The following GIMAP8 variants were observed in gnomAD, a reference collection of about 807,000 sequenced individuals.
The protein encoded by GIMAP8 is GTPase IMAP family member 8.
In GIMAP8, 29 loss-of-function variants were observed where a neutral mutation model predicts 35.6. That is an observed-to-expected ratio of 0.81 (90% CI 0.61 to 1.11). The LOEUF (loss-of-function observed/expected upper bound fraction) is 1.11, where lower values mean the gene tolerates loss of function less well. Ranked by LOEUF, GIMAP8 falls within the 50% of genes most tolerant of loss-of-function variation. The pLI, the probability that GIMAP8 is intolerant of heterozygous loss-of-function variation, is 0.00. For missense variants in GIMAP8, 811 were observed against 805.0 expected (o/e 1.01, Z -0.09); for synonymous variants, 335 against 308.7 (o/e 1.09, Z -0.89).
Position 150,477,409 on chromosome 7 carries a change from A to G in GIMAP8, c.1627A>G (p.Thr543Ala). 1 of 1,614,102 alleles carries G rather than the reference A, an allele frequency of 6.2e-7. No homozygotes were observed. Residue 543 changes from threonine (T) to alanine (A), a missense_variant, in exon 5 of 5, where the codon ACA becomes GCA. Coordinates refer to ENST00000307271, the MANE Select transcript of GIMAP8 (RefSeq NM_175571.4). ...GGGACGATTCACTGAAGAGGACAAA[A>G]CAGCTGTGGCGAAACTGGAGGCCAT... is the stretch of plus-strand genomic sequence containing the variant. The part of the protein sequence containing the change: ...QLGRFTEEDK[T>A]AVAKLEAIFG...
At chr7:150,459,778 T>C (rs1437486554) in intron 1 of GIMAP8, among the ~76,000 whole-genome samples, 1 of 152,198 alleles carries the variant, frequency 6.6e-6, no homozygotes, top group African/African-American at 2.4e-5. Context: ...AGTGAGTTCC[T>C]TGGAGTGAGT....
In GIMAP8 at chr7:150,477,237, C is replaced by T. The variant is rs775860008; in HGVS notation, c.1455C>T (p.Asp485=). 1.9e-6 allele frequency: 3 copies of T among 1,613,990 alleles called. No individual in the cohort carries two copies. The highest frequency in any genetic ancestry group is 2.5e-6 in the Non-Finnish European group (3 of 1,180,010). ...GCCAGAGTGGCAGGAGGACATGGGA[C>T]GGACAGGAGGTGGTGGTTGTGGACA... ...KTSQSGRRTW[D]GQEVVVVDTP... Residue 485 remains aspartate (D), a synonymous_variant, in exon 5 of 5, where the codon GAC becomes GAT. Transcript: ENST00000307271.
intron 1 of GIMAP8, among the ~76,000 whole-genome samples, chr7:150,452,817 A>C (rs1801647393): frequency 2.0e-5 from 3 of 150,574 alleles, no homozygotes; most frequent in Admixed American, 6.6e-5. Flanking sequence ...CAAACTCCTG[A>C]TCTCGAGGGA....
At position 150,466,677 on chromosome 7, in the gene GIMAP8, C is replaced by CGG; in HGVS notation, c.-20_-19dup. 6.2e-7 allele frequency: 1 copy of CGG among 1,609,506 alleles called. No individual in the cohort carries two copies. Among genetic ancestry groups the CGG allele is most frequent in the Non-Finnish European group, 8.5e-7 (1 of 1,177,716 alleles). ...TTGTTTTCTGTCCCAACAGAACAAG[C>CGG]GGGAGCCTGTGTCAGGAAAGCATGT... On this transcript the variant is annotated 5_prime_UTR_variant, in exon 2 of 5. Transcript: ENST00000307271.
chr7:150,459,158 G>A (rs748622780), intron 1 of GIMAP8, among the ~76,000 whole-genome samples: 19 of 152,180 alleles, frequency 1.2e-4, no homozygotes, highest in Non-Finnish European at 5.9e-5. Context: ...ATCACAGGAC[G>A]TGGCTACACT....
intron 1 of GIMAP8, among the ~76,000 whole-genome samples, chr7:150,465,988 G>A (rs192827900): frequency 8.3e-4 from 127 of 152,268 alleles, no homozygotes; most frequent in African/African-American, 2.9e-3. Flanking sequence ...CAGCTAATGC[G>A]TGCAGAGCAG....
chr7:150,471,290 A>C (rs1250136501), intron 3 of GIMAP8, among the ~76,000 whole-genome samples: 1 of 152,226 alleles, frequency 6.6e-6, no homozygotes, highest in Non-Finnish European at 1.5e-5. Flanking sequence ...ATTGCCAGTA[A>C]TGATAGATCC....
intron 1 of GIMAP8, among the ~76,000 whole-genome samples, chr7:150,466,344 A>G (rs141062877): frequency 6.4e-4 from 97 of 152,234 alleles, no homozygotes; most frequent in African/African-American, 2.2e-3. Context: ...ACATCTGACC[A>G]TTACTATTAA....
In GIMAP8 at chr7:150,477,196, C is replaced by T; in HGVS notation, c.1414C>T (p.Pro472Ser). The change falls in exon 5 of 5, where the codon CCA becomes TCA. Residue 472 changes from proline to serine, a missense_variant. Coordinates refer to ENST00000307271, the MANE Select transcript of GIMAP8 (RefSeq NM_175571.4). ...LVFTSRLRAQ[P>S]VTKTSQSGRR... ...CTTCACCTCTCGGCTCCGGGCCCAGCCAGTCACCAAGACCAGCCAGAGTGG... is the reference window on the plus strand; with the variant it reads ...CTTCACCTCTCGGCTCCGGGCCCAGTCAGTCACCAAGACCAGCCAGAGTGG... 6.2e-7 allele frequency: 1 copy of T among 1,614,076 alleles called. No individual in the cohort carries two copies. Among genetic ancestry groups the T allele is most frequent in the Non-Finnish European group, 8.5e-7 (1 of 1,179,996 alleles).
At chr7:150,452,689 T>TAC (rs1801642546) in intron 1 of GIMAP8, among the ~76,000 whole-genome samples, 1 of 105,388 alleles carries the variant, frequency 9.5e-6, no homozygotes, top group Non-Finnish European at 1.9e-5. Context: ...TATATATATA[T>TAC]ATATATATAT....
intron 2 of GIMAP8, among the ~76,000 whole-genome samples, chr7:150,469,842 G>A (rs369256980): frequency 2.0e-5 from 3 of 152,170 alleles, no homozygotes; most frequent in Admixed American, 6.5e-5. Flanking sequence ...ACGCATGTCC[G>A]TACTATGGAA....
intron 2 of GIMAP8, 122 bp from the exon 3 acceptor site, chr7:150,470,707 C>G (rs1228673887): frequency 1.3e-5 from 9 of 698,802 alleles, no homozygotes; most frequent in Non-Finnish European, 2.1e-5. Flanking sequence ...TTGACCACAT[C>G]TGACTCAGCA....
intron 2 of GIMAP8, among the ~76,000 whole-genome samples, chr7:150,470,149 G>C (rs778183037): frequency 6.6e-6 from 1 of 152,158 alleles, no homozygotes; most frequent in Non-Finnish European, 1.5e-5. Context: ...GGCTATGTAA[G>C]GTTAAAGAAA....
Position 150,477,196 on chromosome 7 carries a change from C to G in GIMAP8, c.1414C>G (p.Pro472Ala), listed in dbSNP as rs1802251158. Residue 472 changes from proline to alanine, a missense_variant, in exon 5 of 5, where the codon CCA becomes GCA. Pro to Ala is a conservative substitution (Grantham distance 27, BLOSUM62 -1). Transcript: ENST00000307271. ...CTTCACCTCTCGGCTCCGGGCCCAG[C>G]CAGTCACCAAGACCAGCCAGAGTGG... ...LVFTSRLRAQ[P>A]VTKTSQSGRR... 1.2e-6 allele frequency: 2 copies of G among 1,613,958 alleles called. No individual in the cohort carries two copies. The highest frequency in any genetic ancestry group is 1.7e-6 in the Non-Finnish European group (2 of 1,180,004).
intron 1 of GIMAP8, among the ~76,000 whole-genome samples, chr7:150,460,071 C>A (rs1307696154): frequency 6.6e-6 from 1 of 152,078 alleles, no homozygotes; most frequent in Non-Finnish European, 1.5e-5. Flanking sequence ...TCAGTGGTGG[C>A]CATAGCCAGA....
rs746795576 is a variant in GIMAP8 at position 150,467,143 on chromosome 7, G to GA, written c.452dup (p.Asn151LysfsTer12). 5.6e-6 allele frequency: 9 copies of GA among 1,614,104 alleles called. No homozygotes were observed. The highest frequency in any genetic ancestry group is 1.7e-5 in the Admixed American group (1 of 60,020). ...GGATGACTTGCTGCAAGATTTCATTGAAAAAAACAAACCTCTCAAGCAGTT... is the reference window on the plus strand; with the variant it reads ...GGATGACTTGCTGCAAGATTTCATTGAAAAAAAACAAACCTCTCAAGCAGTT... On this transcript the variant is annotated frameshift_variant, in exon 2 of 5. Coordinates refer to ENST00000307271, the MANE Select transcript of GIMAP8 (RefSeq NM_175571.4). LOFTEE classifies it high-confidence loss of function.
chr7:150,452,675 G>GATATAGATATAGATATATATATAT (rs1801639417), intron 1 of GIMAP8, among the ~76,000 whole-genome samples: 3 of 79,658 alleles, frequency 3.8e-5, no homozygotes, highest in African/African-American at 1.6e-4. Flanking sequence ...GTGTGTGTGA[G>GATATAGATATAGATATATATATAT]ATATATATAT....
intron 1 of GIMAP8, among the ~76,000 whole-genome samples, chr7:150,455,179 C>T (rs1011906723): frequency 6.9e-6 from 1 of 145,390 alleles, no homozygotes; most frequent in Non-Finnish European, 1.5e-5. Flanking sequence ...AACTGGTCAA[C>T]AAAAAAGAAT....
chr7:150,456,184 C>G (rs1801725378), intron 1 of GIMAP8, among the ~76,000 whole-genome samples: 1 of 152,118 alleles, frequency 6.6e-6, no homozygotes, highest in South Asian at 2.1e-4. Flanking sequence ...AGCTGGGAGA[C>G]AGAGTGTATT....
Sources: gnomAD v4.1 joint callset for allele counts (sites outside exome capture counted in the v4.1 genomes callset) on GRCh38, gnomAD v4.1.1 for gene constraint, MANE v1.5 for transcripts, NCBI Gene and HGNC (gene_info 2026-07-23, HGNC 2026-07-21) for gene names.